NAA25: variants seen among roughly 807,000 people sequenced by gnomAD.
The protein encoded by NAA25 is N-alpha-acetyltransferase 25, NatB auxiliary subunit, also known as N-terminal acetyltransferase B complex subunit NAA25.
Under a neutral mutation model 132.5 loss-of-function variants are expected in NAA25, and 30 were observed. The ratio of observed to expected loss-of-function variants is 0.23; its 90% CI spans 0.17 to 0.31. NAA25 has a LOEUF of 0.31. Among genes scored for constraint, NAA25 ranks in the 10% least tolerant of loss-of-function variants. NAA25 has a pLI of 1.00. For synonymous variants in NAA25, 359 were observed against 401.9 expected, an observed-to-expected ratio of 0.89 and a Z score of 1.28; for missense variants, 771 against 1,150.4, an observed-to-expected ratio of 0.67 and a Z score of 4.77.
intron 1 of NAA25, among the ~76,000 whole-genome samples, chr12:112,106,487 T>C (rs1330926187): frequency 6.6e-6 from 1 of 152,118 alleles, no homozygotes; most frequent in Non-Finnish European, 1.5e-5. Context: ...ATCACCCACC[T>C]TGTATATATA....
At chr12:112,043,566 A>C in intron 18 of NAA25, 59 bp downstream of exon 18, 4 of 1,584,696 alleles carry the variant, frequency 2.5e-6, no homozygotes, top group Non-Finnish European at 3.4e-6. Context: ...ACTCCTGTTT[A>C]TAAAACAGTC....
chr12:112,053,201 T>C (rs2078492189), intron 15 of NAA25, among the ~76,000 whole-genome samples: 2 of 152,220 alleles, frequency 1.3e-5, no homozygotes, highest in Admixed American at 1.3e-4. Flanking sequence ...CAGCTGCTAT[T>C]GCAGGATGTT....
At chr12:112,085,264 C>A (rs2079029333) in intron 4 of NAA25, among the ~76,000 whole-genome samples, 2 of 151,988 alleles carry the variant, frequency 1.3e-5, no homozygotes, top group Non-Finnish European at 2.9e-5. Context: ...TGGTGGCAGG[C>A]ACCTGCAATC....
At chr12:112,073,283 CACAT>C (rs1166505389) in intron 9 of NAA25, among the ~76,000 whole-genome samples, 1 of 151,790 alleles carries the variant, frequency 6.6e-6, no homozygotes, top group Non-Finnish European at 1.5e-5. Flanking sequence ...CACACACACA[CACAT>C]ATATTTTTGA....
chr12:112,069,683 G>T (rs995968349), intron 10 of NAA25, among the ~76,000 whole-genome samples: 5 of 151,572 alleles, frequency 3.3e-5, no homozygotes, highest in Non-Finnish European at 7.4e-5. Flanking sequence ...AGCTGGACGG[G>T]GTGGTGTGCA....
intron 1 of NAA25, among the ~76,000 whole-genome samples, chr12:112,102,065 C>T (rs896369339): frequency 6.6e-6 from 1 of 151,712 alleles, no homozygotes; most frequent in African/African-American, 2.4e-5. Context: ...GATGGGTTTT[C>T]ACCACGTTGG....
Position 112,051,263 on chromosome 12 carries a change from G to A in NAA25, c.1728+2295C>T, listed in dbSNP as rs142768743. On this transcript the variant is annotated intron_variant, in intron 15 of 23. Coordinates refer to ENST00000261745, the MANE Select transcript of NAA25 (RefSeq NM_024953.4). ...AGAGTCTCTCTCGTCACCCAGGCTGGAGTATAATGGTACAATCAGCTCACT... is the reference window on the plus strand; with the variant it reads ...AGAGTCTCTCTCGTCACCCAGGCTGAAGTATAATGGTACAATCAGCTCACT... Among the ~76,000 whole-genome samples the A allele has an allele frequency of 1.5e-3, 235 of 152,250 alleles. 1 individual carries two copies. The highest frequency in any genetic ancestry group is 5.4e-3 in the African/African-American group (226 of 41,564).
At chr12:112,064,529 T>C (rs2078686235) in intron 11 of NAA25, among the ~76,000 whole-genome samples, 1 of 152,106 alleles carries the variant, frequency 6.6e-6, no homozygotes, top group African/African-American at 2.4e-5. Context: ...TGCCCAGCCA[T>C]TATTTTCATG....
chr12:112,066,580 T>C (rs1421738638), intron 11 of NAA25, among the ~76,000 whole-genome samples: 1 of 152,104 alleles, frequency 6.6e-6, no homozygotes, highest in Non-Finnish European at 1.5e-5. Context: ...AGACCAAACC[T>C]CTCCTCCACT....
At chr12:112,104,835 C>CAA (rs71083201) in intron 1 of NAA25, among the ~76,000 whole-genome samples, 74 of 138,764 alleles carry the variant, frequency 5.3e-4, no homozygotes, top group Admixed American at 7.5e-4. Context: ...GACTCCATCT[C>CAA]AAAAAAAAAA....
At chr12:112,051,037 G>A (rs2078457888) in intron 15 of NAA25, among the ~76,000 whole-genome samples, 1 of 152,172 alleles carries the variant, frequency 6.6e-6, no homozygotes, top group African/African-American at 2.4e-5. Context: ...ATAGTATAGA[G>A]CTCTGGATTT....
intron 20 of NAA25, among the ~76,000 whole-genome samples, chr12:112,040,879 C>CT (rs1415179802): frequency 1.3e-5 from 2 of 152,116 alleles, no homozygotes; most frequent in Middle Eastern, 3.2e-3. Context: ...GACTAAGACT[C>CT]TAAGTGAATG....
At chr12:112,074,523 T>C in intron 9 of NAA25, 152 bp downstream of exon 9, 1 of 477,188 alleles carries the variant, frequency 2.1e-6, no homozygotes. Flanking sequence ...AACTTGTGTA[T>C]TTTATACTTT....
At chr12:112,107,545 C>T (rs1260381277) in intron 1 of NAA25, among the ~76,000 whole-genome samples, 1 of 151,316 alleles carries the variant, frequency 6.6e-6, no homozygotes, top group Non-Finnish European at 1.5e-5. Context: ...AGGATTGTTG[C>T]TAAAATCAAA....
At chr12:112,080,779 G>A (rs546473338) in intron 5 of NAA25, among the ~76,000 whole-genome samples, 18 of 152,114 alleles carry the variant, frequency 1.2e-4, no homozygotes, top group Admixed American at 9.8e-4. Context: ...GATTACAGGC[G>A]TGAGCCACCA....
chr12:112,050,925 G>T (rs974876496), intron 15 of NAA25, among the ~76,000 whole-genome samples: 1 of 152,120 alleles, frequency 6.6e-6, no homozygotes, highest in Non-Finnish European at 1.5e-5. Flanking sequence ...TTCCATTTAA[G>T]TAAAAGTGTC....
chr12:112,077,681 C>G (rs1403584973), intron 7 of NAA25, among the ~76,000 whole-genome samples: 3 of 151,706 alleles, frequency 2.0e-5, no homozygotes, highest in Non-Finnish European at 2.9e-5. Context: ...CAGCAGAGGT[C>G]ACAAACTCAA....
chr12:112,073,431 G>A (rs193137438), intron 9 of NAA25, among the ~76,000 whole-genome samples: 156 of 152,160 alleles, frequency 1.0e-3, no homozygotes, highest in African/African-American at 3.5e-3. Flanking sequence ...TTTTTTAAAA[G>A]ATCCCATTTA....
At chr12:112,084,749 C>T (rs1041469279) in intron 4 of NAA25, among the ~76,000 whole-genome samples, 9 of 152,022 alleles carry the variant, frequency 5.9e-5, no homozygotes, top group Admixed American at 5.2e-4. Flanking sequence ...GCCAAGATCA[C>T]ACCACTGCAC....
Sources: gnomAD v4.1 joint callset for allele counts (sites outside exome capture counted in the v4.1 genomes callset) on GRCh38, gnomAD v4.1.1 for gene constraint, MANE v1.5 for transcripts, NCBI Gene and HGNC (gene_info 2026-07-23, HGNC 2026-07-21) for gene names.